Variants in VPS13B observed in about 807,000 individuals in gnomAD.
VPS13B encodes intermembrane lipid transfer protein VPS13B.
Under a neutral mutation model 426.4 loss-of-function variants are expected in VPS13B, and 285 were observed. The ratio of observed to expected loss-of-function variants is 0.67; its 90% confidence interval spans 0.61 to 0.74. The LOEUF is 0.74. Among genes scored for constraint, VPS13B ranks in the 30% least tolerant of loss-of-function variants. VPS13B has a pLI of 0.00. For synonymous variants in VPS13B, 1,676 were observed against 1,676.4 expected (o/e 1.00, Z 0.01); for missense variants, 4,537 against 4,782.6 (o/e 0.95, Z 1.51).
intron 34 of VPS13B, among the ~76,000 whole-genome samples, chr8:99,658,195 A>AT (rs1011043994): frequency 3.9e-5 from 6 of 152,156 alleles, no homozygotes; most frequent in South Asian, 2.1e-4. Context: ...AAGTTAACAG[A>AT]TTTTTTTTAC....
intron 44 of VPS13B, among the ~76,000 whole-genome samples, chr8:99,816,212 C>T (rs532854388): frequency 7.2e-5 from 11 of 152,174 alleles, no homozygotes; most frequent in African/African-American, 2.6e-4. Flanking sequence ...AAGTGATTCT[C>T]CTGCCTCAGC....
chr8:99,479,296 A>T (rs984067067), intron 24 of VPS13B, among the ~76,000 whole-genome samples: 6 of 152,190 alleles, frequency 3.9e-5, no homozygotes, highest in African/African-American at 1.4e-4. Context: ...CTATAGATTA[A>T]ATGAAAAAAG....
chr8:99,787,008 T>A (rs908792627), intron 43 of VPS13B, among the ~76,000 whole-genome samples: 5 of 152,166 alleles, frequency 3.3e-5, no homozygotes, highest in African/African-American at 4.8e-5. Flanking sequence ...AAAATATTCC[T>A]TTTTCCAGAC....
At chr8:99,287,232 GTCTATCTATCTA>G (rs58719967) in intron 19 of VPS13B, among the ~76,000 whole-genome samples, 8,276 of 138,766 alleles carry the variant, frequency 0.06, 285 homozygotes, top group Admixed American at 0.11. Flanking sequence ...CTATCTGTCT[GTCTATCTATCTA>G]TCTATCTATC....
At chr8:99,566,650 C>T (rs962906546) in intron 31 of VPS13B, among the ~76,000 whole-genome samples, 12 of 152,150 alleles carry the variant, frequency 7.9e-5, no homozygotes, top group African/African-American at 2.2e-4. Flanking sequence ...ACCATGTTGG[C>T]CAGGCTGGTC....
At chr8:99,379,504 G>A (rs1281839900) in intron 19 of VPS13B, among the ~76,000 whole-genome samples, 1 of 151,942 alleles carries the variant, frequency 6.6e-6, no homozygotes, top group African/African-American at 2.4e-5. Flanking sequence ...ATTCATTTTG[G>A]AGCATTATTT....
chr8:99,458,145 C>T (rs1292893949), intron 23 of VPS13B, among the ~76,000 whole-genome samples: 4 of 149,336 alleles, frequency 2.7e-5, no homozygotes, highest in African/African-American at 9.9e-5. Context: ...TCAATTCCCA[C>T]CTATGAGTGA....
rs1815781814 is a variant in VPS13B, at chr8:99,222,495, CG to C, written c.2515+29439del. Among the ~76,000 whole-genome samples, 5 of 152,110 alleles carry C rather than the reference CG, an allele frequency of 3.3e-5. No individual in the cohort carries two copies. In the South Asian group the frequency reaches 6.2e-4, roughly 19 times the overall value. ...TATTAATTATAGTAATAGCAGTGAT[CG>C]AATTTCTCTTGGATTATTTCATGAT... On this transcript the variant is annotated intron_variant, in intron 17 of 61. Transcript: ENST00000357162.
At chr8:99,837,587 T>A (rs1815460887) in intron 54 of VPS13B, among the ~76,000 whole-genome samples, 2 of 152,096 alleles carry the variant, frequency 1.3e-5, no homozygotes, top group South Asian at 2.1e-4. Flanking sequence ...TAAGAGGAGG[T>A]GCTCTTTCCA....
intron 3 of VPS13B, among the ~76,000 whole-genome samples, chr8:99,083,169 C>A (rs571274024): frequency 5.9e-5 from 9 of 152,164 alleles, no homozygotes; most frequent in African/African-American, 2.2e-4. Context: ...CCTTGAAGAG[C>A]TCCTTCACAT....
intron 34 of VPS13B, among the ~76,000 whole-genome samples, chr8:99,654,156 C>T (rs1829933828): frequency 6.6e-6 from 1 of 152,056 alleles, no homozygotes; most frequent in Non-Finnish European, 1.5e-5. Flanking sequence ...TCACACCATT[C>T]TCCTGCCTCA....
At chr8:99,776,600 C>A (rs138752050) in intron 40 of VPS13B, among the ~76,000 whole-genome samples, 175 bp from the exon 41 acceptor site, 1 of 152,028 alleles carries the variant, frequency 6.6e-6, no homozygotes. Context: ...TGGCCAAACA[C>A]GAGCTTAATT....
At chr8:99,816,270 T>C (rs1814031280) in intron 44 of VPS13B, among the ~76,000 whole-genome samples, 1 of 152,030 alleles carries the variant, frequency 6.6e-6, no homozygotes, top group South Asian at 2.1e-4. Flanking sequence ...GCCCAGCTAA[T>C]TTTGTATTTT....
intron 35 of VPS13B, among the ~76,000 whole-genome samples, chr8:99,678,644 G>A (rs371587989): frequency 3.1e-4 from 47 of 151,938 alleles, no homozygotes; most frequent in African/African-American, 1.0e-3. Context: ...ATGTCCAAAG[G>A]TCTCTCTTTT....
At chr8:99,028,183 A>C (rs1202255362) in intron 2 of VPS13B, among the ~76,000 whole-genome samples, 2 of 151,908 alleles carry the variant, frequency 1.3e-5, no homozygotes, top group Admixed American at 1.3e-4. Context: ...TCTATTCCAC[A>C]AAACCGCCAT....
Position 99,581,910 on chromosome 8 carries a change from C to T in VPS13B, c.5220+4277C>T, listed in dbSNP as rs1014036848. On this transcript the variant is annotated intron_variant, in intron 33 of 61. Transcript: ENST00000357162. ...CATCCCATTCTATATTTCATGTTTC[C>T]GTGACATCTGGCTCTAGAGGACTAG... Among the ~76,000 whole-genome samples the T allele has an allele frequency of 4.6e-5, 7 of 152,166 alleles. No homozygotes were observed. The East Asian group carries it at 1.3e-3, about 29-fold the overall frequency.
intron 8 of VPS13B, among the ~76,000 whole-genome samples, chr8:99,133,116 G>T (rs1809889319): frequency 6.6e-6 from 1 of 152,176 alleles, no homozygotes. Flanking sequence ...AGGCTGTTTG[G>T]TCTGTGTTGA....
intron 43 of VPS13B, among the ~76,000 whole-genome samples, chr8:99,792,884 A>G (rs1349774955): frequency 6.6e-6 from 1 of 151,998 alleles, no homozygotes; most frequent in Non-Finnish European, 1.5e-5. Context: ...CTGCTAAATT[A>G]GTGCTAATTT....
chr8:99,200,441 C>T (rs982447711), intron 17 of VPS13B, among the ~76,000 whole-genome samples: 1 of 151,908 alleles, frequency 6.6e-6, no homozygotes, highest in Non-Finnish European at 1.5e-5. Flanking sequence ...ATTGCTGGGT[C>T]ATATGGTAAT....
Sources: allele counts gnomAD v4.1 joint callset (sites outside exome capture counted in the v4.1 genomes callset), GRCh38; gene constraint gnomAD v4.1.1; transcripts MANE v1.5; gene names NCBI Gene and HGNC (gene_info 2026-07-23, HGNC 2026-07-21).